RAP1GDS1: variants seen among roughly 807,000 people sequenced by gnomAD.
RAP1GDS1 encodes Rap1 GTPase-GDP dissociation stimulator 1, also known as RAP1, GTP-GDP dissociation stimulator 1.
In RAP1GDS1, 35 loss-of-function variants were observed where a neutral mutation model predicts 71.1. That is an observed-to-expected ratio of 0.49 (90% CI 0.38 to 0.65). The LOEUF (loss-of-function observed/expected upper bound fraction) is 0.65, where lower values mean the gene tolerates loss of function less well. Among genes scored for constraint, RAP1GDS1 ranks in the 30% least tolerant of loss-of-function variants. The pLI is 0.00. For synonymous variants in RAP1GDS1, 229 were observed against 243.1 expected (o/e 0.94, Z 0.54); for missense variants, 663 against 706.1 (o/e 0.94, Z 0.69).
chr4:98,376,300 A>C (rs909319470), intron 4 of RAP1GDS1, among the ~76,000 whole-genome samples: 8 of 152,216 alleles, frequency 5.3e-5, no homozygotes, highest in South Asian at 4.1e-4. Context: ...ATGAGCTTAC[A>C]CTTAGGGATA....
intron 2 of RAP1GDS1, among the ~76,000 whole-genome samples, chr4:98,308,732 T>C (rs1039096458): frequency 1.3e-5 from 2 of 152,162 alleles, no homozygotes; most frequent in Admixed American, 1.3e-4. Flanking sequence ...CTCCTTTGTG[T>C]ATTCAGGGAC....
intron 12 of RAP1GDS1, among the ~76,000 whole-genome samples, chr4:98,428,269 GC>G (rs1749905584): frequency 6.6e-6 from 1 of 151,902 alleles, no homozygotes; most frequent in Non-Finnish European, 1.5e-5. Context: ...ATCAGAAAAA[GC>G]CCCTTCTAGA....
intron 6 of RAP1GDS1, among the ~76,000 whole-genome samples, chr4:98,397,555 G>A (rs779049565): frequency 4.6e-5 from 7 of 152,132 alleles, no homozygotes; most frequent in Non-Finnish European, 1.0e-4. Flanking sequence ...AGGATTGTAC[G>A]AGAATATTTT....
intron 1 of RAP1GDS1, among the ~76,000 whole-genome samples, chr4:98,263,230 A>G (rs541333868): frequency 4.6e-5 from 7 of 152,166 alleles, no homozygotes; most frequent in Non-Finnish European, 1.0e-4. Context: ...CAATAACCCT[A>G]TCTGATATTG....
At chr4:98,429,256 CAAA>C (rs1226326098) in intron 12 of RAP1GDS1, among the ~76,000 whole-genome samples, 8 of 68,360 alleles carry the variant, frequency 1.2e-4, no homozygotes, top group Admixed American at 3.4e-4. Flanking sequence ...AGACGTGTCT[CAAA>C]AAAAAAAAAA....
chr4:98,286,588 T>C (rs1026227637), intron 1 of RAP1GDS1, among the ~76,000 whole-genome samples: 1 of 152,048 alleles, frequency 6.6e-6, no homozygotes, highest in African/African-American at 2.4e-5. Context: ...TTTAATTCCA[T>C]TTAAGAATGA....
intron 4 of RAP1GDS1, among the ~76,000 whole-genome samples, chr4:98,359,403 A>T (rs1274896372): frequency 2.0e-5 from 3 of 152,146 alleles, no homozygotes; most frequent in African/African-American, 7.2e-5. Context: ...ATGAAAGTAT[A>T]AAAAAACCTT....
At chr4:98,373,871 G>A (rs935367691) in intron 4 of RAP1GDS1, among the ~76,000 whole-genome samples, 2 of 152,096 alleles carry the variant, frequency 1.3e-5, no homozygotes, top group African/African-American at 2.4e-5. Flanking sequence ...CAAGCACTGC[G>A]ATACCGTGAC....
intron 8 of RAP1GDS1, 77 bp downstream of exon 8, chr4:98,416,965 T>G (rs1748127294): frequency 4.8e-6 from 7 of 1,464,136 alleles, no homozygotes; most frequent in Non-Finnish European, 6.5e-6. Context: ...CTGTAAATAC[T>G]ACCCTAGACA....
At position 98,369,220 on chromosome 4, in the gene RAP1GDS1, G is replaced by A. The variant is rs185786937; in HGVS notation, c.362-9797G>A. On this transcript the variant is annotated intron_variant, in intron 4 of 14. Transcript: ENST00000408927. The stretch of plus-strand genomic sequence containing the variant: ...CCCATGACACGTGGGGATTGTGGGA[G>A]CTATAATTCAAGATGAGATTTGGGT... Among the ~76,000 whole-genome samples the A allele has an allele frequency of 2.7e-3, 405 of 152,296 alleles. 2 individuals carry two copies. Among genetic ancestry groups the A allele is most frequent in the Non-Finnish European group, 4.2e-3 (283 of 68,022 alleles).
Position 98,416,896 on chromosome 4 carries a change from G to T in RAP1GDS1, c.907+8G>T, listed in dbSNP as rs779726252. 4 of 1,610,040 alleles carry T rather than the reference G, an allele frequency of 2.5e-6. No homozygotes were observed. Among genetic ancestry groups the T allele is most frequent in the African/African-American group, 1.3e-5 (1 of 74,772 alleles). The stretch of plus-strand genomic sequence containing the variant: ...TTTTATTACTTCTTGGAGGTGAGTT[G>T]TAATTTATGCCAGCCAAAGAATGTG... On this transcript the variant is annotated splice_region_variant and intron_variant, in intron 8 of 14. Transcript: ENST00000408927.
chr4:98,441,793 AAAGT>A, intron 14 of RAP1GDS1, 193 bp from the exon 15 acceptor site: 1 of 574,360 alleles, frequency 1.7e-6, no homozygotes, highest in Non-Finnish European at 2.2e-6. Context: ...AATTTAAAAA[AAAGT>A]AAAGTTTTTA....
intron 1 of RAP1GDS1, among the ~76,000 whole-genome samples, chr4:98,279,616 T>C (rs901945591): frequency 6.6e-6 from 1 of 152,158 alleles, no homozygotes; most frequent in Non-Finnish European, 1.5e-5. Flanking sequence ...TTTTCTGAAC[T>C]TTAAGTTCTG....
intron 12 of RAP1GDS1, among the ~76,000 whole-genome samples, 189 bp downstream of exon 12, chr4:98,421,583 T>TTGTTGCTGC (rs1748869307): frequency 2.6e-5 from 4 of 152,210 alleles, no homozygotes; most frequent in Admixed American, 2.6e-4. Flanking sequence ...GGGGTTGCTG[T>TTGTTGCTGC]TGTTGCTGCT....
At chr4:98,313,920 A>G (rs1296803707) in intron 2 of RAP1GDS1, among the ~76,000 whole-genome samples, 4 of 152,132 alleles carry the variant, frequency 2.6e-5, no homozygotes, top group Non-Finnish European at 4.4e-5. Context: ...GGAGGCTCCA[A>G]AAGGCAGAGA....
At chr4:98,398,592 T>C (rs541305801) in intron 6 of RAP1GDS1, among the ~76,000 whole-genome samples, 1 of 152,118 alleles carries the variant, frequency 6.6e-6, no homozygotes, top group African/African-American at 2.4e-5. Flanking sequence ...GGAAGCCAGA[T>C]CAATTAGGCA....
chr4:98,351,618 G>T (rs753640551), intron 3 of RAP1GDS1, among the ~76,000 whole-genome samples: 1 of 151,752 alleles, frequency 6.6e-6, no homozygotes, highest in African/African-American at 2.4e-5. Context: ...TGTCCAAAAA[G>T]GTAATTCAGT....
chr4:98,372,987 G>A (rs1025473132), intron 4 of RAP1GDS1, among the ~76,000 whole-genome samples: 1 of 152,196 alleles, frequency 6.6e-6, no homozygotes, highest in Non-Finnish European at 1.5e-5. Context: ...ACTGTACCTG[G>A]CCTGTTTTTA....
chr4:98,297,447 C>T (rs1029321239), intron 2 of RAP1GDS1, among the ~76,000 whole-genome samples: 3 of 152,118 alleles, frequency 2.0e-5, no homozygotes, highest in Non-Finnish European at 4.4e-5. Context: ...GCCATTTTTC[C>T]AACACCTTGT....
Sources: gnomAD v4.1 joint callset for allele counts (sites outside exome capture counted in the v4.1 genomes callset) on GRCh38, gnomAD v4.1.1 for gene constraint, MANE v1.5 for transcripts, NCBI Gene and HGNC (gene_info 2026-07-23, HGNC 2026-07-21) for gene names.